DLC1: variants seen among roughly 807,000 people sequenced by gnomAD.
The protein encoded by DLC1 is rho GTPase-activating protein 7.
A neutral mutation model predicts 140.3 loss-of-function variants in DLC1; 54 were observed. The observed-to-expected ratio is 0.38, with a 90% CI of 0.31 to 0.48. The LOEUF is 0.48. DLC1 is among the 20% of genes least tolerant of loss of function. The pLI is 0.96. For missense variants in DLC1, 2,536 were observed against 1,907.0 expected (o/e 1.33, Z -6.14); for synonymous variants, 986 against 728.1 (o/e 1.35, Z -5.70).
At chr8:13,111,490 T>C (rs544582232) in intron 6 of DLC1, among the ~76,000 whole-genome samples, 4 of 152,292 alleles carry the variant, frequency 2.6e-5, no homozygotes, top group African/African-American at 9.6e-5. Flanking sequence ...TTCAGTTCTC[T>C]CGAGACAATG....
At chr8:13,200,619 T>G (rs1827326955) in intron 5 of DLC1, among the ~76,000 whole-genome samples, 1 of 152,234 alleles carries the variant, frequency 6.6e-6, no homozygotes, top group South Asian at 2.1e-4. Context: ...TGTTTTTTTT[T>G]AGAGAGGCAG....
chr8:13,522,686 A>C (rs1225979166), intron 1 of DLC1, among the ~76,000 whole-genome samples: 1 of 151,994 alleles, frequency 6.6e-6, no homozygotes, highest in Non-Finnish European at 1.5e-5. Flanking sequence ...TAAATTATGT[A>C]GTATTATGTA....
At chr8:13,466,959 C>A (rs202059643) in intron 2 of DLC1, among the ~76,000 whole-genome samples, 125 of 40,376 alleles carry the variant, frequency 3.1e-3, no homozygotes, top group Non-Finnish European at 4.4e-3. Flanking sequence ...AAAAAAAAAA[C>A]CCCTCCACGT....
At chr8:13,193,549 TG>T (rs1052588623) in intron 5 of DLC1, among the ~76,000 whole-genome samples, 2 of 152,146 alleles carry the variant, frequency 1.3e-5, no homozygotes, top group African/African-American at 4.8e-5. Context: ...ACTAACTCAG[TG>T]GGTTAGAAGC....
intron 4 of DLC1, among the ~76,000 whole-genome samples, chr8:13,331,270 T>C (rs1264649971): frequency 6.6e-6 from 1 of 152,244 alleles, no homozygotes; most frequent in Non-Finnish European, 1.5e-5. Flanking sequence ...TAATGATTGA[T>C]AGGAGTAAAC....
chr8:13,566,704 G>A (rs1804440529), intron 1 of DLC1: 4 of 406,384 alleles, frequency 9.8e-6, no homozygotes, highest in Non-Finnish European at 1.8e-5. Flanking sequence ...GCACCAAAGA[G>A]AAGCAGGAGT....
chr8:13,425,135 G>A (rs1401227393), intron 2 of DLC1, among the ~76,000 whole-genome samples: 5 of 150,558 alleles, frequency 3.3e-5, no homozygotes, highest in Non-Finnish European at 5.9e-5. Flanking sequence ...AAAAAAAAAA[G>A]GGTCATTATC....
chr8:13,183,023 G>C (rs28785221), intron 5 of DLC1, among the ~76,000 whole-genome samples: 18,419 of 152,132 alleles, frequency 0.12, 1,939 homozygotes, highest in East Asian at 0.32. Context: ...TCTCCTTGAA[G>C]AGGTGCTTCG....
At chr8:13,529,273 T>C (rs904867081) in intron 1 of DLC1, among the ~76,000 whole-genome samples, 10 of 152,306 alleles carry the variant, frequency 6.6e-5, no homozygotes, top group African/African-American at 1.9e-4. Flanking sequence ...ACAGTGTAAT[T>C]AGGGAGTTTA....
chr8:13,442,301 C>G (rs1437799337), intron 2 of DLC1, among the ~76,000 whole-genome samples: 1 of 152,186 alleles, frequency 6.6e-6, no homozygotes, highest in Non-Finnish European at 1.5e-5. Context: ...TGGGCAAGGA[C>G]TTCATGTCTA....
chr8:13,508,130 G>C (rs994218475), intron 1 of DLC1, among the ~76,000 whole-genome samples: 14 of 152,154 alleles, frequency 9.2e-5, no homozygotes, highest in Non-Finnish European at 1.5e-5. Flanking sequence ...TTACGTCCAG[G>C]TTGCTGCTAT....
chr8:13,520,941 A>G (rs1283658523), intron 1 of DLC1, among the ~76,000 whole-genome samples: 1 of 152,042 alleles, frequency 6.6e-6, no homozygotes, highest in African/African-American at 2.4e-5. Context: ...ATTCATGGCC[A>G]AAAAAAGGGT....
At chr8:13,582,980 G>A (rs1331794819) in intron 1 of DLC1, among the ~76,000 whole-genome samples, 1 of 147,588 alleles carries the variant, frequency 6.8e-6, no homozygotes, top group Non-Finnish European at 1.5e-5. Flanking sequence ...CTTTATTGCT[G>A]AAAATGCTAA....
chr8:13,597,379 A>G (rs969325647), intron 1 of DLC1, among the ~76,000 whole-genome samples: 2 of 152,058 alleles, frequency 1.3e-5, no homozygotes, highest in African/African-American at 4.8e-5. Context: ...TTGCCATCTA[A>G]TCTTTGTTCA....
intron 1 of DLC1, among the ~76,000 whole-genome samples, chr8:13,596,210 T>C (rs938929502): frequency 5.9e-5 from 9 of 152,034 alleles, no homozygotes; most frequent in Non-Finnish European, 1.2e-4. Flanking sequence ...CCAAATTTTG[T>C]TCTTTATAGA....
At position 13,393,277 on chromosome 8, in the gene DLC1, G is replaced by A. The variant is rs372383926; in HGVS notation, c.1314+276C>T. 2.0e-5 allele frequency among the ~76,000 whole-genome samples: 3 copies of A among 150,982 alleles called. 1 individual carries two copies. In the South Asian group the frequency reaches 6.4e-4, roughly 32 times the overall value. ...GGCATCTCCAGATTTTGCATTCTTG[G>A]CTCTTTAAAGCTCTGAGTATCCGGC... On this transcript the variant is annotated intron_variant, in intron 4 of 17. Transcript: ENST00000276297.
At chr8:13,160,022 C>G (rs1389865694) in intron 5 of DLC1, among the ~76,000 whole-genome samples, 1 of 152,002 alleles carries the variant, frequency 6.6e-6, no homozygotes, top group Non-Finnish European at 1.5e-5. Context: ...GCCGGGTGTC[C>G]TGGCACACGC....
At chr8:13,142,135 T>TGCTTCA (rs1201106092) in intron 5 of DLC1, among the ~76,000 whole-genome samples, 1 of 152,230 alleles carries the variant, frequency 6.6e-6, no homozygotes, top group African/African-American at 2.4e-5. Context: ...TACTTGCTTC[T>TGCTTCA]GCTTCAGCTT....
intron 4 of DLC1, among the ~76,000 whole-genome samples, chr8:13,330,923 C>T (rs1362575189): frequency 1.3e-5 from 2 of 152,070 alleles, no homozygotes; most frequent in East Asian, 1.9e-4. Context: ...AATGTTTACA[C>T]ACTTGAAATT....
Sources: allele counts gnomAD v4.1 joint callset (sites outside exome capture counted in the v4.1 genomes callset), GRCh38; gene constraint gnomAD v4.1.1; transcripts MANE v1.5; gene names NCBI Gene and HGNC (gene_info 2026-07-23, HGNC 2026-07-21).